The following MON2 variants were observed in gnomAD, a reference collection of about 807,000 sequenced individuals.
MON2 encodes MON2 regulator of endosome-to-Golgi trafficking.
In MON2, 84 loss-of-function variants were observed where a neutral mutation model predicts 208.6. The observed-to-expected ratio is 0.40, with a 90% CI of 0.34 to 0.48. The LOEUF is 0.48. Ranked by LOEUF, MON2 falls within the 20% of genes least tolerant of loss-of-function variation. MON2 has a pLI of 0.59. For synonymous variants in MON2, 660 were observed against 694.0 expected, an observed-to-expected ratio of 0.95 and a Z score of 0.77; for missense variants, 1,611 against 2,015.4, an observed-to-expected ratio of 0.80 and a Z score of 3.84.
intron 8 of MON2, among the ~76,000 whole-genome samples, chr12:62,511,146 T>C (rs1410390682): frequency 6.6e-6 from 1 of 152,190 alleles, no homozygotes; most frequent in Non-Finnish European, 1.5e-5. Flanking sequence ...GTGTTCATGA[T>C]TAAAAGACTT....
chr12:62,499,284 G>C (rs2070709485), intron 5 of MON2, among the ~76,000 whole-genome samples: 1 of 151,964 alleles, frequency 6.6e-6, no homozygotes, highest in Non-Finnish European at 1.5e-5. Context: ...ACCAAGTATT[G>C]CATTATATGT....
chr12:62,550,487 A>G (rs1007467550), intron 23 of MON2, among the ~76,000 whole-genome samples: 3 of 152,182 alleles, frequency 2.0e-5, no homozygotes, highest in African/African-American at 7.2e-5. Context: ...ACAGCACTGC[A>G]CTCCAGCCTT....
chr12:62,533,473 T>C (rs2072756701), intron 12 of MON2, among the ~76,000 whole-genome samples: 1 of 152,224 alleles, frequency 6.6e-6, no homozygotes, highest in Non-Finnish European at 1.5e-5. Context: ...CAGAGGATTA[T>C]AGTCTTTATT....
intron 24 of MON2, among the ~76,000 whole-genome samples, chr12:62,553,594 A>G (rs2073842921): frequency 6.6e-6 from 1 of 152,224 alleles, no homozygotes; most frequent in Non-Finnish European, 1.5e-5. Flanking sequence ...TCAAAAGAGA[A>G]TTTTATTAAC....
chr12:62,482,694 G>A (rs992420027), intron 1 of MON2: 3 of 152,116 alleles, frequency 2.0e-5, no homozygotes, highest in African/African-American at 7.2e-5. Context: ...ATTATAATGT[G>A]GGCTACAGAT....
intron 12 of MON2, among the ~76,000 whole-genome samples, chr12:62,533,288 G>A (rs1465316449): frequency 2.0e-5 from 3 of 152,154 alleles, no homozygotes; most frequent in Non-Finnish European, 4.4e-5. Context: ...TCACTTCTAT[G>A]AGTTGGTTAA....
chr12:62,508,556 C>A, intron 8 of MON2, 76 bp downstream of exon 8: 2 of 1,359,862 alleles, frequency 1.5e-6, no homozygotes, highest in Non-Finnish European at 2.1e-6. Context: ...TCTGTTGTAG[C>A]GCATTTAGTT....
rs1389188419 is a variant in MON2, at chr12:62,534,593, C to T, written c.1634-252C>T. Reference sequence around the variant, plus strand: ...TTTTATATATATATATAAAATTTAACGTGTACAGAAAGATCTTACCATAGA... The same window carrying T: ...TTTTATATATATATATAAAATTTAATGTGTACAGAAAGATCTTACCATAGA... On this transcript the variant is annotated intron_variant, in intron 12 of 34. Transcript: ENST00000393630. Among the ~76,000 whole-genome samples the T allele has an allele frequency of 2.8e-5, 3 of 107,938 alleles. 1 individual carries two copies. Among genetic ancestry groups the T allele is most frequent in the Admixed American group, 1.0e-4 (1 of 9,558 alleles). 70.8% of individuals were successfully genotyped at this position (107,938 alleles called of 152,430 possible). A position where few individuals can be genotyped will look rare whatever the true frequency, so the allele number is the denominator to read the frequency against.
intron 11 of MON2, among the ~76,000 whole-genome samples, chr12:62,530,324 A>G (rs1010265745): frequency 2.1e-5 from 3 of 145,470 alleles, no homozygotes; most frequent in Non-Finnish European, 4.5e-5. Flanking sequence ...TCTGCCTCCC[A>G]GGTTCATGCC....
chr12:62,595,555 T>G lies in MON2; in HGVS notation c.*2806T>G, dbSNP rs983403941. ...GCCACCAATTGTATGATTAATAAAG[T>G]CTTTTTCTGGCCATTTTGTCCATTA... On this transcript the variant is annotated 3_prime_UTR_variant, in exon 35 of 35. Transcript: ENST00000393630. 8.5e-5 allele frequency: 13 copies of G among 152,206 alleles called. No individual in the cohort carries two copies. Among genetic ancestry groups the G allele is most frequent in the African/African-American group, 3.1e-4 (13 of 41,444 alleles). 9.4% of individuals were successfully genotyped at this position (152,206 alleles called of 1,614,324 possible).
intron 33 of MON2, among the ~76,000 whole-genome samples, chr12:62,586,797 ATTT>A (rs1176982532): frequency 6.6e-6 from 1 of 152,122 alleles, no homozygotes; most frequent in Non-Finnish European, 1.5e-5. Flanking sequence ...ATTATAAAAT[ATTT>A]TTTGATTTCA....
At chr12:62,540,827 TG>T (rs1460396076) in intron 19 of MON2, among the ~76,000 whole-genome samples, 1 of 152,230 alleles carries the variant, frequency 6.6e-6, no homozygotes, top group African/African-American at 2.4e-5. Context: ...TATTTTTAGA[TG>T]GAGGCTATAA....
chr12:62,585,257 A>T, intron 32 of MON2, 37 bp from the exon 33 acceptor site: 2 of 1,483,828 alleles, frequency 1.3e-6, no homozygotes, highest in Non-Finnish European at 1.9e-6. Context: ...TCATTGATTT[A>T]ACTTCTATTA....
At chr12:62,584,163 C>G (rs986217062) in intron 32 of MON2, among the ~76,000 whole-genome samples, 2 of 151,976 alleles carry the variant, frequency 1.3e-5, no homozygotes, top group African/African-American at 4.8e-5. Flanking sequence ...TCCTAATCAA[C>G]CAGAGGACAA....
chr12:62,565,136 A>C (rs1262459535), intron 26 of MON2, 101 bp from the exon 27 acceptor site: 2 of 1,166,140 alleles, frequency 1.7e-6, no homozygotes, highest in Non-Finnish European at 2.5e-6. Flanking sequence ...ACATAAAATA[A>C]GACAGTTTTT....
chr12:62,528,269 A>G (rs924423193), intron 11 of MON2, among the ~76,000 whole-genome samples: 4 of 152,196 alleles, frequency 2.6e-5, no homozygotes, highest in African/African-American at 9.6e-5. Flanking sequence ...TTGAAGGCAT[A>G]TGTATACATC....
chr12:62,527,856 A>G (rs1457877732), intron 11 of MON2, among the ~76,000 whole-genome samples: 1 of 151,868 alleles, frequency 6.6e-6, no homozygotes, highest in African/African-American at 2.4e-5. Context: ...AAAAAAAAAA[A>G]AAGAAACAAG....
intron 8 of MON2, among the ~76,000 whole-genome samples, chr12:62,515,969 C>T (rs190850485): frequency 2.0e-5 from 3 of 152,262 alleles, no homozygotes; most frequent in Admixed American, 6.5e-5. Context: ...CCTGCACTCC[C>T]ATGTTTATTG....
At chr12:62,562,059 G>A (rs2074217553) in intron 26 of MON2, among the ~76,000 whole-genome samples, 1 of 152,036 alleles carries the variant, frequency 6.6e-6, no homozygotes, top group Admixed American at 6.6e-5. Context: ...TTCAGTGTAG[G>A]GGTATTAGTT....
Sources: gnomAD v4.1 joint callset for allele counts (sites outside exome capture counted in the v4.1 genomes callset) on GRCh38, gnomAD v4.1.1 for gene constraint, MANE v1.5 for transcripts, NCBI Gene and HGNC (gene_info 2026-07-23, HGNC 2026-07-21) for gene names.